HECTD4: variants seen among roughly 807,000 people sequenced by gnomAD.
HECTD4 encodes the protein HECT domain E3 ubiquitin protein ligase 4, also known as probable E3 ubiquitin-protein ligase HECTD4.
HECTD4 carries 114 observed loss-of-function variants against 471.5 expected under a neutral mutation model. That is an observed-to-expected ratio of 0.24 (90% CI 0.21 to 0.28). HECTD4 has a LOEUF of 0.28. Among genes scored for constraint, HECTD4 ranks in the 10% least tolerant of loss-of-function variants. The probability of loss-of-function intolerance (pLI) is 1.00; values close to 1 mark genes in which losing one functional copy is unlikely to be tolerated. For synonymous variants in HECTD4, 2,012 were observed against 2,256.0 expected, an observed-to-expected ratio of 0.89 and a Z score of 3.07; for missense variants, 3,866 against 5,651.5, an observed-to-expected ratio of 0.68 and a Z score of 10.13.
At chr12:112,269,571 A>G in intron 13 of HECTD4, 133 bp downstream of exon 13, 5 of 936,994 alleles carry the variant, frequency 5.3e-6, no homozygotes, top group Non-Finnish European at 7.9e-6. Context: ...CAGTGAAATT[A>G]TCCCCAATCC....
intron 60 of HECTD4, among the ~76,000 whole-genome samples, chr12:112,189,113 C>T (rs1297935210): frequency 6.6e-6 from 1 of 152,176 alleles, no homozygotes; most frequent in East Asian, 1.9e-4. Context: ...CTTGCCTCAG[C>T]CTCTCAAAGT....
intron 13 of HECTD4, 98 bp from the exon 14 acceptor site, chr12:112,267,080 T>A: frequency 1.1e-5 from 8 of 717,994 alleles, no homozygotes; most frequent in South Asian, 9.0e-5. Context: ...GTCAATTGGA[T>A]GTGAGGGCAA....
intron 7 of HECTD4, among the ~76,000 whole-genome samples, chr12:112,299,765 G>A (rs1270531225): frequency 6.6e-6 from 1 of 152,122 alleles, no homozygotes; most frequent in Admixed American, 6.5e-5. Context: ...TTCAGACTCT[G>A]AATATTATTC....
chr12:112,373,792 G>A (rs986093363), intron 1 of HECTD4, among the ~76,000 whole-genome samples: 11 of 151,666 alleles, frequency 7.3e-5, no homozygotes, highest in African/African-American at 2.7e-4. Flanking sequence ...ATCACCAGAG[G>A]TCAGGAGTTC....
chr12:112,170,681 C>A, intron 68 of HECTD4: 4 of 525,814 alleles, frequency 7.6e-6, no homozygotes, highest in South Asian at 6.1e-5. Flanking sequence ...ACTAGAGTTG[C>A]AAAATGGAAT....
At chr12:112,220,689 C>T (rs1458225463) in intron 44 of HECTD4, among the ~76,000 whole-genome samples, 1 of 151,996 alleles carries the variant, frequency 6.6e-6, no homozygotes, top group African/African-American at 2.4e-5. Flanking sequence ...CCCAGCTACT[C>T]GGGAGGGTGA....
intron 1 of HECTD4, among the ~76,000 whole-genome samples, chr12:112,324,321 C>T (rs2035698902): frequency 1.3e-5 from 2 of 150,864 alleles, no homozygotes; most frequent in Admixed American, 6.6e-5. Flanking sequence ...GGTCTCCCTA[C>T]ATTGCCCAGG....
intron 44 of HECTD4, among the ~76,000 whole-genome samples, chr12:112,223,618 C>T (rs896597100): frequency 2.6e-5 from 4 of 152,128 alleles, no homozygotes; most frequent in African/African-American, 7.2e-5. Flanking sequence ...CAGGGCTTCA[C>T]CATATTGGCC....
At position 112,192,573 on chromosome 12, in the gene HECTD4, G is replaced by A. The variant is rs926805995; in HGVS notation, c.9279C>T (p.Val3093=). 5 of 1,580,262 alleles carry A rather than the reference G, an allele frequency of 3.2e-6. No homozygotes were observed. The highest frequency in any genetic ancestry group is 4.3e-6 in the Non-Finnish European group (5 of 1,160,574). The change falls in exon 59 of 76, where the codon GTC becomes GTT. Residue 3093 remains valine (V), a synonymous_variant. Coordinates refer to ENST00000682272, the MANE Select transcript of HECTD4 (RefSeq NM_001388303.1). ...YPSVVLSTDR[V]HIKLGVSPPP... ...CTGGAGACTCACCCAGTTTGATGTG[G>A]ACCCTGTCTGTGGAGAGGACCACAG...
chr12:112,239,336 C>T lies in HECTD4; in HGVS notation c.5106-100G>A. ...AGGGGCATAAAACATGCTGGTGCAG[C>T]TCTTTCCCTACAACTTAGGATACTG... is the stretch of plus-strand genomic sequence containing the variant. On this transcript the variant is annotated intron_variant, in intron 33 of 75. Transcript: ENST00000682272. This position sits in a 1 kb window ranked among gnomAD's most constrained non-coding sequence, Gnocchi z 4.9. The T allele has an allele frequency of 3.0e-6, 3 of 1,007,654 alleles. No individual in the cohort carries two copies. The highest frequency in any genetic ancestry group is 4.2e-6 in the Non-Finnish European group (3 of 706,920). The allele number at this position is 1,007,654 out of a possible 1,614,324, so 62.4% of individuals were successfully genotyped here. A position where few individuals can be genotyped will look rare whatever the true frequency, so the allele number is the denominator to read the frequency against.
At position 112,193,203 on chromosome 12, in the gene HECTD4, C is replaced by T. The variant is rs761744104; in HGVS notation, c.8956-12G>A. 2 of 1,613,154 alleles carry T rather than the reference C, an allele frequency of 1.2e-6. No individual in the cohort carries two copies. The highest frequency in any genetic ancestry group is 4.5e-5 in the East Asian group (2 of 44,892). ...TGCTCTGGTGCTGTCTGCAAAGAGA[C>T]ACTGAATAAGGAAAGCCACGGGCTA... On this transcript the variant is annotated splice_polypyrimidine_tract_variant and intron_variant, in intron 57 of 75. Transcript: ENST00000682272. The surrounding 1 kb of genome is among the most constrained non-coding windows in gnomAD (Gnocchi z 5.2).
intron 9 of HECTD4, among the ~76,000 whole-genome samples, chr12:112,276,042 G>T (rs1433563809): frequency 6.6e-6 from 1 of 152,150 alleles, no homozygotes; most frequent in Non-Finnish European, 1.5e-5. Context: ...GATCCTTCCA[G>T]CAGGGATGCA....
intron 27 of HECTD4, among the ~76,000 whole-genome samples, chr12:112,247,824 T>C (rs974748593): frequency 3.3e-5 from 5 of 152,182 alleles, no homozygotes; most frequent in Non-Finnish European, 5.9e-5. Flanking sequence ...TCTTTATATA[T>C]CTTTATAAAA....
At chr12:112,255,974 G>C (rs1397969151) in intron 21 of HECTD4, among the ~76,000 whole-genome samples, 1 of 152,156 alleles carries the variant, frequency 6.6e-6, no homozygotes, top group Non-Finnish European at 1.5e-5. Context: ...TAGATGAATG[G>C]ACATCACACA....
Position 112,163,367 on chromosome 12 carries a change from G to A in HECTD4, c.12898-103C>T. ...GCCAGGCCCAATCCTGGGGCAGGGT[G>A]CAACGTGTGGGCTGTGAGCACAGGG... On this transcript the variant is annotated intron_variant, in intron 74 of 75. Coordinates refer to ENST00000682272, the MANE Select transcript of HECTD4 (RefSeq NM_001388303.1). The surrounding 1 kb of genome is among the most constrained non-coding windows in gnomAD (Gnocchi z 8.2). 1 of 1,161,226 alleles carries A rather than the reference G, an allele frequency of 8.6e-7. No homozygotes were observed. 71.9% of individuals were successfully genotyped at this position (1,161,226 alleles called of 1,614,324 possible). A position where few individuals can be genotyped will look rare whatever the true frequency, so the allele number is the denominator to read the frequency against.
At chr12:112,292,849 C>T (rs966880550) in intron 7 of HECTD4, among the ~76,000 whole-genome samples, 3 of 152,006 alleles carry the variant, frequency 2.0e-5, no homozygotes, top group South Asian at 2.1e-4. Flanking sequence ...AGTGAAACCC[C>T]GTCCCTACTA....
At chr12:112,275,427 T>C (rs1163766055) in intron 9 of HECTD4, among the ~76,000 whole-genome samples, 2 of 152,166 alleles carry the variant, frequency 1.3e-5, no homozygotes, top group Non-Finnish European at 2.9e-5. Context: ...TAACACAGGA[T>C]AGTGCAGTAT....
chr12:112,199,049 C>T (rs1381804914), intron 55 of HECTD4, among the ~76,000 whole-genome samples: 1 of 152,124 alleles, frequency 6.6e-6, no homozygotes, highest in East Asian at 1.9e-4. Context: ...GAGATGTCAG[C>T]TTGGATTAGG....
At chr12:112,349,417 A>AAAAAG (rs1161431250) in intron 1 of HECTD4, among the ~76,000 whole-genome samples, 3 of 151,440 alleles carry the variant, frequency 2.0e-5, no homozygotes, top group Non-Finnish European at 4.4e-5. Flanking sequence ...AAAAAGAAAG[A>AAAAAG]AAAAGAAAAG....
Sources: allele counts gnomAD v4.1 joint callset (sites outside exome capture counted in the v4.1 genomes callset), GRCh38; gene constraint gnomAD v4.1.1; non-coding constraint Gnocchi (gnomAD v3.1); transcripts MANE v1.5; gene names NCBI Gene and HGNC (gene_info 2026-07-23, HGNC 2026-07-21).